Variants in IFT52 observed in about 807,000 individuals in gnomAD.
IFT52 encodes intraflagellar transport protein 52 homolog.
A neutral mutation model predicts 54.4 loss-of-function variants in IFT52; 44 were observed. The ratio of observed to expected loss-of-function variants is 0.81; its 90% confidence interval spans 0.63 to 1.04. The LOEUF is 1.04. Among genes scored for constraint, IFT52 ranks in the 50% least tolerant of loss-of-function variants. IFT52 has a pLI of 0.00. For synonymous variants in IFT52, 181 were observed against 185.3 expected (o/e 0.98, Z 0.19); for missense variants, 452 against 523.6 (o/e 0.86, Z 1.33).
At chr20:43,597,423 T>C (rs987258053) in intron 3 of IFT52, among the ~76,000 whole-genome samples, 2 of 151,914 alleles carry the variant, frequency 1.3e-5, no homozygotes, top group Non-Finnish European at 2.9e-5. Flanking sequence ...AAAGTGTTTA[T>C]TATTCTAGTT....
intron 12 of IFT52, among the ~76,000 whole-genome samples, chr20:43,641,393 C>G (rs774736426): frequency 9.9e-5 from 15 of 151,968 alleles, no homozygotes; most frequent in Non-Finnish European, 1.6e-4. Context: ...CATGCACCAC[C>G]ACGCCCGGCT....
chr20:43,636,367 C>T (rs76852966), intron 11 of IFT52, among the ~76,000 whole-genome samples: 4,781 of 152,278 alleles, frequency 0.031, 100 homozygotes, highest in Non-Finnish European at 0.046. Context: ...ATAATTCTCA[C>T]AGCCCAGGGG....
intron 10 of IFT52, among the ~76,000 whole-genome samples, chr20:43,634,223 AAATAG>A (rs1455231555): frequency 1.3e-5 from 2 of 152,044 alleles, no homozygotes; most frequent in South Asian, 2.1e-4. Flanking sequence ...TGAAAAAAAA[AAATAG>A]AAGAAGAAGA....
chr20:43,629,601 C>T (rs1336958513), intron 10 of IFT52, among the ~76,000 whole-genome samples: 3 of 152,096 alleles, frequency 2.0e-5, no homozygotes, highest in Non-Finnish European at 4.4e-5. Context: ...CATTGAACCC[C>T]CACTTTCTGC....
chr20:43,616,271 T>C (rs1600482571), intron 7 of IFT52, among the ~76,000 whole-genome samples: 1 of 151,600 alleles, frequency 6.6e-6, no homozygotes, highest in South Asian at 2.1e-4. Flanking sequence ...CTTTGGGAGG[T>C]CAAGGCGGGC....
intron 8 of IFT52, 57 bp downstream of exon 8, chr20:43,619,083 A>T (rs915598064): frequency 8.3e-7 from 1 of 1,211,334 alleles, no homozygotes; most frequent in Non-Finnish European, 1.2e-6. Flanking sequence ...CATGTCATTT[A>T]AAAAAATACT....
intron 13 of IFT52, among the ~76,000 whole-genome samples, chr20:43,644,102 G>A (rs111344695): frequency 0.14 from 7,791 of 54,810 alleles, 3,336 homozygotes; most frequent in African/African-American, 0.37. Context: ...GCAAGACTCT[G>A]TCTCAAAAAA....
At chr20:43,629,883 A>C (rs1011145077) in intron 10 of IFT52, among the ~76,000 whole-genome samples, 3 of 152,230 alleles carry the variant, frequency 2.0e-5, no homozygotes, top group Non-Finnish European at 4.4e-5. Flanking sequence ...GAGGACGCTG[A>C]GGCACAGAGA....
At chr20:43,598,551 C>T (rs1257500713) in intron 3 of IFT52, among the ~76,000 whole-genome samples, 2 of 152,066 alleles carry the variant, frequency 1.3e-5, no homozygotes, top group Non-Finnish European at 2.9e-5. Flanking sequence ...AAAAATTAGC[C>T]GGGCTTGGTG....
intron 12 of IFT52, among the ~76,000 whole-genome samples, chr20:43,641,642 C>T (rs1600521223): frequency 6.6e-6 from 1 of 151,774 alleles, no homozygotes; most frequent in East Asian, 1.9e-4. Context: ...TACAGGTGCG[C>T]ACCACCATGC....
intron 7 of IFT52, among the ~76,000 whole-genome samples, 182 bp downstream of exon 7, chr20:43,614,158 G>T (rs1983674953): frequency 6.6e-6 from 1 of 152,112 alleles, no homozygotes; most frequent in African/African-American, 2.4e-5. Flanking sequence ...TCCAGTAATT[G>T]ATGAAGTTAA....
At position 43,603,792 on chromosome 20, in the gene IFT52, T is replaced by A. The variant is rs780665603; in HGVS notation, c.240T>A (p.Gly80=). 6.2e-7 allele frequency: 1 copy of A among 1,611,580 alleles called. No homozygotes were observed. The highest frequency in any genetic ancestry group is 1.1e-5 in the South Asian group (1 of 90,584). ...FEILKKYLDT[G]GDVFVMLGEG... ...TCCTGAAGAAATATCTTGACACTGG[T>A]GGAGATGTCTTTGTGATGCTAGGAG... Residue 80 remains glycine, a synonymous_variant, in exon 4 of 14, where the codon GGT becomes GGA. Coordinates refer to ENST00000373030, the MANE Select transcript of IFT52 (RefSeq NM_016004.5).
intron 6 of IFT52, among the ~76,000 whole-genome samples, chr20:43,610,614 C>G (rs371365799): frequency 2.2e-4 from 33 of 152,076 alleles, no homozygotes; most frequent in African/African-American, 8.0e-4. Context: ...TGGCGGGCAC[C>G]TGTAGTCCCA....
At chr20:43,603,616 G>C in intron 3 of IFT52, 144 bp from the exon 4 acceptor site, 1 of 680,642 alleles carries the variant, frequency 1.5e-6, no homozygotes, top group Non-Finnish European at 2.4e-6. Flanking sequence ...TACATAGAGA[G>C]TACTTTTTAT....
At chr20:43,614,464 G>A (rs1296552647) in intron 7 of IFT52, among the ~76,000 whole-genome samples, 1 of 151,618 alleles carries the variant, frequency 6.6e-6, no homozygotes, top group African/African-American at 2.4e-5. Flanking sequence ...TCGATCTCCT[G>A]ACCATCCTGC....
chr20:43,601,546 T>C (rs543392833), intron 3 of IFT52, among the ~76,000 whole-genome samples: 6 of 152,348 alleles, frequency 3.9e-5, no homozygotes, highest in Non-Finnish European at 7.3e-5. Context: ...CATGTATCTT[T>C]TTCTTAAAAT....
At chr20:43,592,059 A>G (rs1238330029) in intron 1 of IFT52, among the ~76,000 whole-genome samples, 3 of 152,142 alleles carry the variant, frequency 2.0e-5, no homozygotes, top group Non-Finnish European at 2.9e-5. Flanking sequence ...AGCAATTTAG[A>G]AAATAATTAA....
chr20:43,620,870 A>C lies in IFT52; in HGVS notation c.713A>C (p.Gln238Pro), dbSNP rs1215492335. Residue 238 changes from glutamine (Q) to proline (P), a missense_variant, in exon 9 of 14, where the codon CAG (glutamine) becomes CCG (proline). Physicochemically the swap from Gln to Pro is moderately conservative, Grantham distance 76. Coordinates refer to ENST00000373030, the MANE Select transcript of IFT52 (RefSeq NM_016004.5). ...ENSKIMDVVF[Q>P]WLTTGDIHLN... Reference sequence around the variant, plus strand: ...TTTTTAATTTAGGATGTTGTTTTCCAGTGGCTCACGACAGGAGACATCCAC... The same window carrying C: ...TTTTTAATTTAGGATGTTGTTTTCCCGTGGCTCACGACAGGAGACATCCAC... The C allele has an allele frequency of 1.2e-6, 2 of 1,609,876 alleles. No homozygotes were observed. Among genetic ancestry groups the C allele is most frequent in the Non-Finnish European group, 1.7e-6 (2 of 1,178,036 alleles).
rs948742375 is a variant in IFT52 at position 43,614,296 on chromosome 20, G to A, written c.612+320G>A. On this transcript the variant is annotated intron_variant, in intron 7 of 13. Transcript: ENST00000373030. ...GTTGCCCAGGCTGGAGTGCAGTGGT[G>A]CAATCTCGGCTCACTGCAAGCTCCA... Among the ~76,000 whole-genome samples the A allele has an allele frequency of 2.0e-5, 3 of 150,134 alleles. 1 individual carries two copies. The highest frequency in any genetic ancestry group is 2.5e-5 in the African/African-American group (1 of 40,760).
Sources: gnomAD v4.1 joint callset for allele counts (sites outside exome capture counted in the v4.1 genomes callset) on GRCh38, gnomAD v4.1.1 for gene constraint, MANE v1.5 for transcripts, NCBI Gene and HGNC (gene_info 2026-07-23, HGNC 2026-07-21) for gene names.